TTYH3: variants seen among roughly 807,000 people sequenced by gnomAD.
The protein encoded by TTYH3 is tweety family member 3, also known as protein tweety homolog 3.
In TTYH3, 23 loss-of-function variants were observed where a neutral mutation model predicts 68.2. That is an observed-to-expected ratio of 0.34 (90% CI 0.24 to 0.48). The LOEUF (loss-of-function observed/expected upper bound fraction) is 0.48, where lower values mean the gene tolerates loss of function less well. TTYH3 is among the 20% of genes least tolerant of loss of function. The pLI, the probability that TTYH3 is intolerant of heterozygous loss-of-function variation, is 0.99. For synonymous variants in TTYH3, 360 were observed against 332.8 expected, an observed-to-expected ratio of 1.08 and a Z score of -0.89; for missense variants, 768 against 727.7, an observed-to-expected ratio of 1.06 and a Z score of -0.64.
Position 2,661,748 on chromosome 7 carries a change from C to T in TTYH3, c.*9C>T, listed in dbSNP as rs376731151. ...CCAGCGGCAGCCACTAGACCGCGCC[C>T]GGCAGCCACCCACCCCACGTGCCAA... On this transcript the variant is annotated 3_prime_UTR_variant, in exon 14 of 14. Coordinates refer to ENST00000258796, the MANE Select transcript of TTYH3 (RefSeq NM_025250.3). 3.3e-4 allele frequency: 526 copies of T among 1,608,214 alleles called. 1 individual carries two copies. Among genetic ancestry groups the T allele is most frequent in the Middle Eastern group, 6.6e-4 (4 of 6,050 alleles).
At chr7:2,643,676 C>G (rs999743913) in intron 1 of TTYH3, among the ~76,000 whole-genome samples, 1 of 152,242 alleles carries the variant, frequency 6.6e-6, no homozygotes, top group African/African-American at 2.4e-5. Flanking sequence ...GCTCTGCCTC[C>G]GTTTTCTCAT....
chr7:2,657,040 G>T (rs1000220053), intron 11 of TTYH3, among the ~76,000 whole-genome samples: 1 of 152,274 alleles, frequency 6.6e-6, no homozygotes, highest in Non-Finnish European at 1.5e-5. Context: ...GAGCCACTAT[G>T]TCCTTACCTT....
chr7:2,656,518 A>T lies in TTYH3; in HGVS notation c.1234A>T (p.Thr412Ser). The T allele has an allele frequency of 1.2e-6, 2 of 1,603,014 alleles. No homozygotes were observed. Among genetic ancestry groups the T allele is most frequent in the Non-Finnish European group, 1.7e-6 (2 of 1,176,086 alleles). ...FSSIVCSVPH[T>S]WQQKRGPDED... ...CTCCATCGTCTGCAGCGTCCCGCAC[A>T]CCTGGCAGCAAAAGAGGTGAGGGGC... The change falls in exon 11 of 14, where the codon ACC (threonine) becomes TCC (serine). Residue 412 changes from threonine (T) to serine (S), a missense_variant. By Grantham distance (58) the Thr-to-Ser change is moderately conservative (BLOSUM62 1). Coordinates refer to ENST00000258796, the MANE Select transcript of TTYH3 (RefSeq NM_025250.3).
chr7:2,636,623 G>A (rs1347384499), intron 1 of TTYH3, among the ~76,000 whole-genome samples: 2 of 152,202 alleles, frequency 1.3e-5, no homozygotes, highest in African/African-American at 2.4e-5. Flanking sequence ...ACTAGGCTGG[G>A]GGTGTACAGC....
chr7:2,632,065 C>G lies in TTYH3; in HGVS notation c.-91C>G. 1 of 1,151,584 alleles carries G rather than the reference C, an allele frequency of 8.7e-7. No individual in the cohort carries two copies. The highest frequency in any genetic ancestry group is 1.1e-6 in the Non-Finnish European group (1 of 924,204). 71.3% of individuals were successfully genotyped at this position (1,151,584 alleles called of 1,614,324 possible). A position where few individuals can be genotyped will look rare whatever the true frequency, so the allele number is the denominator to read the frequency against. ...CGCGCGGATGATGCGGGCGGCCAGG[C>G]GGGGGTCGACGGGTCCCTGAAGCCC... On this transcript the variant is annotated 5_prime_UTR_variant, in exon 1 of 14. Coordinates refer to ENST00000258796, the MANE Select transcript of TTYH3 (RefSeq NM_025250.3).
chr7:2,637,582 C>A (rs1437769627), intron 1 of TTYH3, among the ~76,000 whole-genome samples: 1 of 152,204 alleles, frequency 6.6e-6, no homozygotes, highest in Non-Finnish European at 1.5e-5. Context: ...ACACTTCCCC[C>A]ACCTGCCCCA....
chr7:2,652,886 C>T (rs535600541), intron 8 of TTYH3, 32 bp from the exon 9 acceptor site: 39 of 1,520,962 alleles, frequency 2.6e-5, no homozygotes, highest in Middle Eastern at 1.9e-4. Flanking sequence ...GACCCAGCAG[C>T]GCCCATGGAC....
rs760905114 is a variant in TTYH3, at chr7:2,649,554, G to C, written c.723-13G>C. The C allele has an allele frequency of 1.9e-6, 3 of 1,574,062 alleles. No individual in the cohort carries two copies. The highest frequency in any genetic ancestry group is 2.6e-6 in the Non-Finnish European group (3 of 1,167,268). ...CTGGCCTGGGGGCTGCTGACTGGCT[G>C]TCTCTGCCCCAGGGTCTGCCTGCTG... On this transcript the variant is annotated splice_polypyrimidine_tract_variant and intron_variant, in intron 5 of 13. Transcript: ENST00000258796.
intron 11 of TTYH3, among the ~76,000 whole-genome samples, 184 bp downstream of exon 11, chr7:2,656,718 A>G (rs1401135291): frequency 6.6e-6 from 1 of 152,182 alleles, no homozygotes. Flanking sequence ...CCAGGTGAGC[A>G]TCATCATTTC....
chr7:2,649,464 GA>G (rs1786099085), intron 5 of TTYH3, 102 bp from the exon 6 acceptor site: 1 of 1,168,066 alleles, frequency 8.6e-7, no homozygotes, highest in Non-Finnish European at 1.2e-6. Context: ...TGTGTGGGCT[GA>G]CCCCTGATGT....
At chr7:2,635,896 C>T (rs1399746591) in intron 1 of TTYH3, among the ~76,000 whole-genome samples, 3 of 152,202 alleles carry the variant, frequency 2.0e-5, no homozygotes, top group African/African-American at 7.2e-5. Flanking sequence ...GGGGGAACGG[C>T]AGGTGCAAAG....
chr7:2,647,011 G>C lies in TTYH3; in HGVS notation c.282G>C (p.Thr94=). ...CGGCCTGGTGTGTCATCATCGCCAC[G>C]CTGGTGTGCAGGTGAGCGCGGTGGG... ...CCTAWCVIIA[T]LVCSAGIAVG... The change falls in exon 2 of 14, where the codon ACG becomes ACC. Residue 94 remains threonine, a synonymous_variant. Coordinates refer to ENST00000258796, the MANE Select transcript of TTYH3 (RefSeq NM_025250.3). 6.4e-7 allele frequency: 1 copy of C among 1,573,884 alleles called. No homozygotes were observed. Among genetic ancestry groups the C allele is most frequent in the Non-Finnish European group, 8.6e-7 (1 of 1,164,284 alleles).
chr7:2,635,017 C>T (rs1031720928), intron 1 of TTYH3, among the ~76,000 whole-genome samples: 3 of 152,122 alleles, frequency 2.0e-5, no homozygotes, highest in Admixed American at 2.0e-4. Context: ...CATCTGGGGT[C>T]GGCTCTGTGC....
At chr7:2,660,872 C>A (rs574630662) in intron 13 of TTYH3, among the ~76,000 whole-genome samples, 1 of 152,188 alleles carries the variant, frequency 6.6e-6, no homozygotes, top group African/African-American at 2.4e-5. Context: ...GCACATGCCT[C>A]GCACATGTGG....
chr7:2,635,448 C>G (rs1309006701), intron 1 of TTYH3, among the ~76,000 whole-genome samples: 1 of 152,202 alleles, frequency 6.6e-6, no homozygotes, highest in Non-Finnish European at 1.5e-5. Context: ...AGGCAGGGAT[C>G]AAGTTCATGC....
intron 5 of TTYH3, chr7:2,648,271 C>A: frequency 1.8e-6 from 1 of 547,544 alleles, no homozygotes; most frequent in Non-Finnish European, 3.2e-6. Context: ...TTGCCCCCAG[C>A]CCTTGATTTC....
intron 13 of TTYH3, among the ~76,000 whole-genome samples, chr7:2,661,325 C>T (rs1786488859): frequency 6.6e-6 from 1 of 152,152 alleles, no homozygotes; most frequent in African/African-American, 2.4e-5. Context: ...AGCTGTGGCT[C>T]CTGGGGGTGG....
intron 9 of TTYH3, among the ~76,000 whole-genome samples, chr7:2,654,342 C>G (rs116501289): frequency 2.1e-3 from 314 of 152,278 alleles, no homozygotes; most frequent in African/African-American, 6.7e-3. Context: ...CTGCAGTGAG[C>G]TGTGATGGCA....
chr7:2,634,678 A>G (rs1785611968), intron 1 of TTYH3, among the ~76,000 whole-genome samples: 1 of 151,970 alleles, frequency 6.6e-6, no homozygotes, highest in Non-Finnish European at 1.5e-5. Context: ...AACCCTGGTG[A>G]AACCCCCGGA....
Sources: allele counts gnomAD v4.1 joint callset (sites outside exome capture counted in the v4.1 genomes callset), GRCh38; gene constraint gnomAD v4.1.1; transcripts MANE v1.5; gene names NCBI Gene and HGNC (gene_info 2026-07-23, HGNC 2026-07-21).